The following MME variants were observed in gnomAD, a reference collection of about 807,000 sequenced individuals.
MME encodes membrane metalloendopeptidase, also known as neprilysin.
MME carries 98 observed loss-of-function variants against 113.2 expected under a neutral mutation model. That is an observed-to-expected ratio of 0.87 (90% confidence interval 0.74 to 1.02). MME has a LOEUF of 1.02. Among genes scored for constraint, MME ranks in the 50% least tolerant of loss-of-function variants. The pLI, the probability that MME is intolerant of heterozygous loss-of-function variation, is 0.00. For missense variants in MME, 836 were observed against 896.0 expected, an observed-to-expected ratio of 0.93 and a Z score of 0.86; for synonymous variants, 292 against 300.6, an observed-to-expected ratio of 0.97 and a Z score of 0.30.
In MME at chr3:155,143,463, A is replaced by G. The variant is rs1721271191; in HGVS notation, c.1209A>G (p.Ser403=). 6.2e-7 allele frequency: 1 copy of G among 1,612,416 alleles called. No individual in the cohort carries two copies. The highest frequency in any genetic ancestry group is 8.5e-7 in the Non-Finnish European group (1 of 1,178,804). ...CGTAGGCCCTTTATGGTACAACCTC[A>G]GAAACAGCAACTTGGAGACGTTGTG... is the stretch of plus-strand genomic sequence containing the variant. ...AFRKALYGTT[S]ETATWRRCAN... is the part of the protein sequence containing the mutation. The change falls in exon 13 of 23, where the codon TCA becomes TCG. Residue 403 remains serine (S), a synonymous_variant. Coordinates refer to ENST00000360490, the MANE Select transcript of MME (RefSeq NM_007289.4).
chr3:155,033,357 TATTGCCC>T (rs1366644959), intron 1 of MME, among the ~76,000 whole-genome samples: 1 of 152,178 alleles, frequency 6.6e-6, no homozygotes, highest in Non-Finnish European at 1.5e-5. Flanking sequence ...GAATAGACAA[TATTGCCC>T]ACCTTCAAGT....
intron 18 of MME, among the ~76,000 whole-genome samples, chr3:155,167,766 C>T (rs1206016996): frequency 6.6e-6 from 1 of 152,094 alleles, no homozygotes; most frequent in African/African-American, 2.4e-5. Context: ...ACAGTCTTTA[C>T]AGGTAGGTTC....
intron 3 of MME, among the ~76,000 whole-genome samples, chr3:155,086,635 T>A (rs1715746992): frequency 6.6e-6 from 1 of 152,162 alleles, no homozygotes; most frequent in Non-Finnish European, 1.5e-5. Flanking sequence ...TTCTTCTTTC[T>A]TCAAGAAAAA....
At chr3:155,090,337 C>G (rs1716180656) in intron 3 of MME, 1 of 152,250 alleles carries the variant, frequency 6.6e-6, no homozygotes, top group African/African-American at 2.4e-5. Context: ...GCACAGCGGT[C>G]CCCTTCTTAT....
intron 3 of MME, among the ~76,000 whole-genome samples, chr3:155,089,200 C>A (rs573387874): frequency 6.6e-6 from 1 of 152,134 alleles, no homozygotes; most frequent in Non-Finnish European, 1.5e-5. Flanking sequence ...GATCAAAATG[C>A]TTCAAAGTAT....
chr3:155,126,957 A>G (rs1719717112), intron 8 of MME, among the ~76,000 whole-genome samples: 1 of 151,228 alleles, frequency 6.6e-6, no homozygotes. Context: ...CAGTGAGCCA[A>G]GATCGTGCCA....
chr3:155,180,734 A>G lies in MME; in HGVS notation c.*275A>G, dbSNP rs1411627764. On this transcript the variant is annotated 3_prime_UTR_variant, in exon 23 of 23. Coordinates refer to ENST00000360490, the MANE Select transcript of MME (RefSeq NM_007289.4). Reference sequence around the variant, plus strand: ...ATATTACTGTTTATTTCTGTTTCTCATATGGTCTACCAGTTTGCTGATGTC... The same window carrying G: ...ATATTACTGTTTATTTCTGTTTCTCGTATGGTCTACCAGTTTGCTGATGTC... 3 of 394,942 alleles carry G rather than the reference A, an allele frequency of 7.6e-6. No individual in the cohort carries two copies. Among genetic ancestry groups the G allele is most frequent in the African/African-American group, 4.1e-5 (2 of 48,538 alleles). The allele number at this position is 394,942 out of a possible 1,614,324, so 24.5% of individuals were successfully genotyped here.
chr3:155,032,433 A>C (rs1024665683), intron 1 of MME, among the ~76,000 whole-genome samples: 5 of 152,230 alleles, frequency 3.3e-5, no homozygotes, highest in Non-Finnish European at 7.3e-5. Context: ...TAAAAATCCC[A>C]AATCTGCAGT....
rs141715410 is a variant in MME at position 155,113,751 on chromosome 3, G to A, written c.197-1243G>A. 1.6e-3 allele frequency among the ~76,000 whole-genome samples: 246 copies of A among 152,244 alleles called. 1 individual carries two copies. Among genetic ancestry groups the A allele is most frequent in the African/African-American group, 5.5e-3 (230 of 41,540 alleles). On this transcript the variant is annotated intron_variant, in intron 3 of 22. Coordinates refer to ENST00000360490, the MANE Select transcript of MME (RefSeq NM_007289.4). ...TCAGAATGAGAGGTATGGAAGAGGGGCAAAGGAATTACCAGTAAACCAAGG... is the reference window on the plus strand; with the variant it reads ...TCAGAATGAGAGGTATGGAAGAGGGACAAAGGAATTACCAGTAAACCAAGG...
At chr3:155,115,940 T>G (rs540076454) in intron 4 of MME, among the ~76,000 whole-genome samples, 2 of 152,176 alleles carry the variant, frequency 1.3e-5, no homozygotes, top group Non-Finnish European at 2.9e-5. Context: ...TCCTTTGTTC[T>G]CTGTTCTCCC....
At chr3:155,051,352 A>G (rs1713757200) in intron 1 of MME, among the ~76,000 whole-genome samples, 1 of 152,238 alleles carries the variant, frequency 6.6e-6, no homozygotes, top group African/African-American at 2.4e-5. Flanking sequence ...GGCTTTTCAG[A>G]ATGCTACACT....
At chr3:155,149,191 G>A (rs953368920) in intron 16 of MME, among the ~76,000 whole-genome samples, 4 of 152,030 alleles carry the variant, frequency 2.6e-5, no homozygotes, top group African/African-American at 9.7e-5. Context: ...AGTGACATTA[G>A]TATTTCCTAA....
chr3:155,163,251 G>T (rs185927389), intron 17 of MME, among the ~76,000 whole-genome samples: 1 of 151,960 alleles, frequency 6.6e-6, no homozygotes, highest in Non-Finnish European at 1.5e-5. Context: ...CACGGGATTG[G>T]TCATTTTATG....
At chr3:155,149,949 A>T (rs1367537931) in intron 16 of MME, among the ~76,000 whole-genome samples, 2 of 152,220 alleles carry the variant, frequency 1.3e-5, no homozygotes, top group African/African-American at 4.8e-5. Context: ...AAAGAAAGAG[A>T]GTGAATACAC....
At chr3:155,117,071 T>C (rs1718685168) in intron 7 of MME, 85 bp downstream of exon 7, 1 of 835,928 alleles carries the variant, frequency 1.2e-6, no homozygotes, top group African/African-American at 1.7e-5. Flanking sequence ...TATTTAGAAA[T>C]AATGCTATTT....
chr3:155,084,845 TTTTTCTTC>T (rs1306981398), intron 2 of MME, among the ~76,000 whole-genome samples: 2 of 152,172 alleles, frequency 1.3e-5, no homozygotes, highest in Non-Finnish European at 2.9e-5. Context: ...TAATAACACA[TTTTTCTTC>T]ATAATCAAAA....
chr3:155,142,405 A>T (rs1158441334), intron 12 of MME, 75 bp downstream of exon 12: 8 of 1,198,450 alleles, frequency 6.7e-6, no homozygotes, highest in Non-Finnish European at 8.6e-6. Flanking sequence ...TACCATGTAC[A>T]CTGCTAGGAC....
chr3:155,111,740 C>A (rs762660808), intron 3 of MME, among the ~76,000 whole-genome samples: 1 of 152,104 alleles, frequency 6.6e-6, no homozygotes, highest in East Asian at 1.9e-4. Flanking sequence ...GAGTTCATTG[C>A]TCTGTGATGT....
chr3:155,101,697 A>T (rs973890671), intron 3 of MME, among the ~76,000 whole-genome samples: 3 of 151,858 alleles, frequency 2.0e-5, no homozygotes, highest in African/African-American at 7.3e-5. Context: ...AACACACACC[A>T]TCTGCTGGTT....
Sources: gnomAD v4.1 joint callset for allele counts (sites outside exome capture counted in the v4.1 genomes callset) on GRCh38, gnomAD v4.1.1 for gene constraint, MANE v1.5 for transcripts, NCBI Gene and HGNC (gene_info 2026-07-23, HGNC 2026-07-21) for gene names.